ANKRD28: variants seen among roughly 807,000 people sequenced by gnomAD.
The protein encoded by ANKRD28 is serine/threonine-protein phosphatase 6 regulatory ankyrin repeat subunit A.
A neutral mutation model predicts 126.5 loss-of-function variants in ANKRD28; 44 were observed. That is an observed-to-expected ratio of 0.35 (90% CI 0.27 to 0.45). The LOEUF is 0.45. Among genes scored for constraint, ANKRD28 ranks in the 20% least tolerant of loss-of-function variants. ANKRD28 has a pLI of 1.00. For missense variants in ANKRD28, 1,110 were observed against 1,316.6 expected (o/e 0.84, Z 2.43); for synonymous variants, 442 against 468.5 (o/e 0.94, Z 0.73).
chr3:15,837,894 G>GAAA (rs60317341), intron 1 of ANKRD28, among the ~76,000 whole-genome samples: 2 of 94,204 alleles, frequency 2.1e-5, no homozygotes, highest in African/African-American at 3.6e-5. Flanking sequence ...AAGCTAACCA[G>GAAA]AAAAAAAAAA....
At chr3:15,673,619 T>C (rs983537779) in intron 27 of ANKRD28, among the ~76,000 whole-genome samples, 17 of 151,980 alleles carry the variant, frequency 1.1e-4, no homozygotes, top group African/African-American at 3.9e-4. Flanking sequence ...ATGGTAGGGG[T>C]ATCTAGCAAG....
At chr3:15,834,003 T>G (rs2061266653) in intron 1 of ANKRD28, among the ~76,000 whole-genome samples, 1 of 152,202 alleles carries the variant, frequency 6.6e-6, no homozygotes, top group South Asian at 2.1e-4. Context: ...TTTCACATTT[T>G]GCACATATTT....
At chr3:15,698,075 G>A (rs894965138) in intron 14 of ANKRD28, among the ~76,000 whole-genome samples, 2 of 151,944 alleles carry the variant, frequency 1.3e-5, no homozygotes, top group Non-Finnish European at 2.9e-5. Flanking sequence ...GCTCGGTGGT[G>A]ATATTCCCTT....
At chr3:15,773,267 T>C (rs970003031) in intron 2 of ANKRD28, among the ~76,000 whole-genome samples, 6 of 152,176 alleles carry the variant, frequency 3.9e-5, no homozygotes, top group Non-Finnish European at 4.4e-5. Context: ...TCATTTAGAA[T>C]AGCATCAAAA....
chr3:15,797,459 G>A lies in ANKRD28; in HGVS notation c.-938C>T. ...AGCAAAAGGGCACAGGCACCAGGCA[G>A]AAATGGTGTTAGTGGAGAATCCTAG... On this transcript the variant is annotated 5_prime_UTR_variant, in exon 1 of 28. Coordinates refer to ENST00000683139, the MANE Select transcript of ANKRD28 (RefSeq NM_001349278.2). The A allele has an allele frequency of 1.0e-6, 1 of 985,198 alleles. No homozygotes were observed. Among genetic ancestry groups the A allele is most frequent in the African/African-American group, 1.7e-5 (1 of 57,282 alleles). 61.0% of individuals were successfully genotyped at this position (985,198 alleles called of 1,614,324 possible).
chr3:15,835,039 T>C (rs1018867665), intron 1 of ANKRD28, among the ~76,000 whole-genome samples: 1 of 152,032 alleles, frequency 6.6e-6, no homozygotes, highest in African/African-American at 2.4e-5. Flanking sequence ...TTCCAGCTAC[T>C]CGGGAGGCTG....
rs1575814726 is a variant in ANKRD28, at chr3:15,846,353, ATCTC to A, written c.27+13020_27+13023del. Reference sequence around the variant, plus strand: ...CATTAAATCTTAAAGCTCCAAAATAATCTCCTTTGACTCCATGTCTCACATCCAG... The same window carrying A: ...CATTAAATCTTAAAGCTCCAAAATAACTTTGACTCCATGTCTCACATCCAG... On this transcript the variant is annotated intron_variant, in intron 1 of 27. Transcript: ENST00000399451. The surrounding 1 kb of genome is among the most constrained non-coding windows in gnomAD (Gnocchi z 5.4). Among the ~76,000 whole-genome samples, 1 of 152,188 alleles carries A rather than the reference ATCTC, an allele frequency of 6.6e-6. No individual in the cohort carries two copies. Among genetic ancestry groups the A allele is most frequent in the East Asian group, 1.9e-4 (1 of 5,194 alleles).
At chr3:15,841,786 G>A (rs967942011) in intron 1 of ANKRD28, among the ~76,000 whole-genome samples, 1 of 152,140 alleles carries the variant, frequency 6.6e-6, no homozygotes, top group Non-Finnish European at 1.5e-5. Context: ...ACAAGTGCTG[G>A]AGAGGATGTG....
intron 1 of ANKRD28, among the ~76,000 whole-genome samples, chr3:15,850,204 A>AAAAATATATATATATATATATAT (rs1486394619): frequency 5.5e-5 from 3 of 54,832 alleles, no homozygotes; most frequent in Non-Finnish European, 7.7e-5. Flanking sequence ...AAAAAAAAAA[A>AAAAATATATATATATATATATAT]ATATATATAT....
At chr3:15,783,647 G>C (rs1433436292) in intron 2 of ANKRD28, among the ~76,000 whole-genome samples, 2 of 151,934 alleles carry the variant, frequency 1.3e-5, no homozygotes, top group Admixed American at 1.3e-4. Context: ...AACAAATTCT[G>C]TATATCATTA....
chr3:15,741,982 G>A (rs868435825), intron 4 of ANKRD28, among the ~76,000 whole-genome samples: 8 of 152,132 alleles, frequency 5.3e-5, no homozygotes, highest in East Asian at 1.9e-4. Context: ...CGAGTGATCC[G>A]CCAGCCTCGG....
At chr3:15,685,497 T>A in intron 20 of ANKRD28, 52 bp from the exon 21 acceptor site, 1 of 1,554,570 alleles carries the variant, frequency 6.4e-7, no homozygotes, top group Non-Finnish European at 8.9e-7. Flanking sequence ...AAACATTACA[T>A]GCCAATTTCA....
intron 4 of ANKRD28, among the ~76,000 whole-genome samples, chr3:15,749,109 T>TTTTTTG (rs1254110589): frequency 1.5e-5 from 2 of 133,882 alleles, no homozygotes; most frequent in African/African-American, 5.9e-5. Flanking sequence ...TTGTTTTTTT[T>TTTTTTG]TTTTTTTTTT....
rs893929493 is a variant in ANKRD28 at position 15,816,235 on chromosome 3, C to T, written c.28-20929G>A. The stretch of plus-strand genomic sequence containing the variant: ...CTTATAGAAAAATTAAATTTTCTTA[C>T]TTTAACCAAATCCACCTAGCCTAGC... On this transcript the variant is annotated intron_variant, in intron 1 of 27. Coordinates refer to the ANKRD28 transcript ENST00000399451. The surrounding 1 kb of genome is among the most constrained non-coding windows in gnomAD (Gnocchi z 5.0). 2.0e-5 allele frequency among the ~76,000 whole-genome samples: 3 copies of T among 152,176 alleles called. No individual in the cohort carries two copies. The highest frequency in any genetic ancestry group is 4.4e-5 in the Non-Finnish European group (3 of 68,028).
chr3:15,668,137 AAT>A lies in ANKRD28; in HGVS notation c.*2131_*2132del, dbSNP rs922023519. 4 of 152,200 alleles carry A rather than the reference AAT, an allele frequency of 2.6e-5. No homozygotes were observed. Among genetic ancestry groups the A allele is most frequent in the Non-Finnish European group, 5.9e-5 (4 of 68,044 alleles). The allele number at this position is 152,200 out of a possible 1,614,324, so 9.4% of individuals were successfully genotyped here. A position where few individuals can be genotyped will look rare whatever the true frequency, so the allele number is the denominator to read the frequency against. On this transcript the variant is annotated 3_prime_UTR_variant, in exon 28 of 28. Transcript: ENST00000683139. ...AACAGTTAGAGCTGCTCAACAACTG[AAT>A]GGACTGCTTGGTGAGGTAGAGTCAC... is the stretch of plus-strand genomic sequence containing the variant.
chr3:15,724,614 A>G (rs1204636544), intron 6 of ANKRD28, 90 bp from the exon 7 acceptor site: 1 of 1,242,854 alleles, frequency 8.0e-7, no homozygotes, highest in Non-Finnish European at 1.1e-6. Context: ...AATTTAAAAA[A>G]TGCAAAATAG....
Position 15,712,184 on chromosome 3 carries a change from G to T in ANKRD28, c.1229C>A (p.Ala410Asp). 6.3e-7 allele frequency: 1 copy of T among 1,586,472 alleles called. No homozygotes were observed. The highest frequency in any genetic ancestry group is 2.3e-5 in the East Asian group (1 of 43,756). Residue 410 changes from alanine (A) to aspartate (D), a missense_variant, in exon 11 of 28, where the codon GCC becomes GAC. Coordinates refer to ENST00000683139, the MANE Select transcript of ANKRD28 (RefSeq NM_001349278.2). ...GCAGCAATCTGAAAAGCCGCTTAAG[G>T]CTGCCAAATGGAGGGGGAACATTCC... ...IHGMFPLHLA[A>D]LSGFSDCCRK...
intron 1 of ANKRD28, among the ~76,000 whole-genome samples, chr3:15,857,626 A>C (rs1307770141): frequency 6.6e-6 from 1 of 152,230 alleles, no homozygotes; most frequent in Non-Finnish European, 1.5e-5. Context: ...CTGAAGATTA[A>C]TGGATATACA....
chr3:15,686,340 T>C, intron 18 of ANKRD28, 31 bp from the exon 19 acceptor site: 1 of 1,450,454 alleles, frequency 6.9e-7, no homozygotes, highest in East Asian at 2.4e-5. Context: ...ATTTCAGTAA[T>C]TACATATAAT....
Sources: gnomAD v4.1 joint callset for allele counts (sites outside exome capture counted in the v4.1 genomes callset) on GRCh38, gnomAD v4.1.1 for gene constraint, Gnocchi (gnomAD v3.1) non-coding constraint, MANE v1.5 for transcripts, NCBI Gene and HGNC (gene_info 2026-07-23, HGNC 2026-07-21) for gene names.